Variants in PTAR1 observed in about 807,000 individuals in gnomAD.
The protein encoded by PTAR1 is protein prenyltransferase alpha subunit repeat containing 1.
PTAR1 carries 17 observed loss-of-function variants against 45.5 expected under a neutral mutation model. That is an observed-to-expected ratio of 0.37 (90% CI 0.26 to 0.56). PTAR1 has a LOEUF of 0.56. PTAR1 is among the 20% of genes least tolerant of loss of function. The probability of loss-of-function intolerance (pLI) is 0.77; values close to 1 mark genes in which losing one functional copy is unlikely to be tolerated. For synonymous variants in PTAR1, 169 were observed against 171.3 expected, an observed-to-expected ratio of 0.99 and a Z score of 0.11; for missense variants, 391 against 476.3, an observed-to-expected ratio of 0.82 and a Z score of 1.67.
In PTAR1 at chr9:69,723,588, T is replaced by G. The variant is rs747512469; in HGVS notation, c.685A>C (p.Met229Leu). The change falls in exon 6 of 8, where the codon ATG becomes CTG. Residue 229 changes from methionine to leucine, a missense_variant. By Grantham distance (15) the Met-to-Leu change is conservative. This residue lies in a region of PTAR1 where 181 missense variants were observed against 227.7 expected (regional missense o/e 0.80). Transcript: ENST00000340434. ...AATCCACTGTGGTCTGAAACGTGCA[T>G]AGATGCCCAATGTTTAGTAGAAGAT... ...ELSSTKHWAS[M>L]HVSDHSGFHY... 1 of 1,613,808 alleles carries G rather than the reference T, an allele frequency of 6.2e-7. No individual in the cohort carries two copies. The highest frequency in any genetic ancestry group is 2.2e-5 in the East Asian group (1 of 44,870).
At chr9:69,743,714 T>G (rs1340523850) in intron 2 of PTAR1, among the ~76,000 whole-genome samples, 1 of 152,216 alleles carries the variant, frequency 6.6e-6, no homozygotes, top group Non-Finnish European at 1.5e-5. Context: ...CACTATTCAT[T>G]TAATTCCACA....
At chr9:69,742,816 T>G (rs1475053609) in intron 2 of PTAR1, among the ~76,000 whole-genome samples, 4 of 152,136 alleles carry the variant, frequency 2.6e-5, no homozygotes. Flanking sequence ...ACATTTTCAT[T>G]GTTTACTACA....
intron 2 of PTAR1, among the ~76,000 whole-genome samples, chr9:69,750,005 G>T (rs1483635857): frequency 2.0e-5 from 3 of 152,014 alleles, no homozygotes; most frequent in Non-Finnish European, 4.4e-5. Context: ...ATGGGAAGGG[G>T]AAGAAGCTTT....
chr9:69,754,928 A>G, intron 1 of PTAR1, among the ~76,000 whole-genome samples: 1 of 139,794 alleles, frequency 7.2e-6, no homozygotes, highest in East Asian at 1.9e-4. Flanking sequence ...TCCTTTATGG[A>G]AAAAAACTGA....
At chr9:69,748,429 TAACTAACTA>T (rs957454224) in intron 2 of PTAR1, among the ~76,000 whole-genome samples, 2 of 151,708 alleles carry the variant, frequency 1.3e-5, no homozygotes, top group Non-Finnish European at 2.9e-5. Context: ...AATCTCTAAC[TAACTAACTA>T]AACAGGGATA....
Position 69,715,813 on chromosome 9 carries a change from A to G in PTAR1, c.*2529T>C, listed in dbSNP as rs1477574132. ...TATTAGGATTTTCTGTGAATGAACA[A>G]TTAAAAAATGCAAACTCTAGAAATA... On this transcript the variant is annotated 3_prime_UTR_variant, in exon 8 of 8. Transcript: ENST00000340434. The G allele has an allele frequency of 1.3e-5, 2 of 152,160 alleles. No homozygotes were observed. The highest frequency in any genetic ancestry group is 2.9e-5 in the Non-Finnish European group (2 of 68,010). 9.4% of individuals were successfully genotyped at this position (152,160 alleles called of 1,614,324 possible).
At chr9:69,735,127 TA>T (rs963315087) in intron 3 of PTAR1, among the ~76,000 whole-genome samples, 26 of 152,178 alleles carry the variant, frequency 1.7e-4, no homozygotes, top group African/African-American at 6.3e-4. Flanking sequence ...CATTCCTTTT[TA>T]AAATATTAAT....
In PTAR1 at chr9:69,725,603, A is replaced by AT. The variant is rs534634175; in HGVS notation, c.643-1974_643-1973insA. ...AGACTCCATCTCAAAAAAGAAAAAA[A>AT]ATATATATATATATTTTCAACAAAA... On this transcript the variant is annotated intron_variant, in intron 5 of 7. Coordinates refer to ENST00000340434, the MANE Select transcript of PTAR1 (RefSeq NM_001099666.2). Among the ~76,000 whole-genome samples the AT allele has an allele frequency of 3.9e-3, 584 of 151,168 alleles. 8 individuals are homozygous for AT. The highest frequency in any genetic ancestry group is 0.032 in the South Asian group (151 of 4,778).
intron 4 of PTAR1, among the ~76,000 whole-genome samples, chr9:69,732,757 T>C (rs567438679): frequency 6.6e-6 from 1 of 152,242 alleles, no homozygotes; most frequent in South Asian, 2.1e-4. Flanking sequence ...TCTTTAAGTA[T>C]ATATGCATGC....
chr9:69,759,707 C>A, intron 1 of PTAR1, 146 bp downstream of exon 1: 1 of 749,126 alleles, frequency 1.3e-6, no homozygotes, highest in Non-Finnish European at 2.0e-6. Context: ...GACAACGGTC[C>A]CGCCCGACAC....
chr9:69,753,824 T>C (rs1308858716), intron 1 of PTAR1, among the ~76,000 whole-genome samples: 3 of 152,158 alleles, frequency 2.0e-5, no homozygotes, highest in Non-Finnish European at 4.4e-5. Context: ...TGACAGGCAA[T>C]GAGAATTCGG....
In PTAR1 at chr9:69,723,426, C is replaced by CT; in HGVS notation, c.846dup (p.Glu283ArgfsTer5). 2 of 1,613,860 alleles carry CT rather than the reference C, an allele frequency of 1.2e-6. No individual in the cohort carries two copies. Among genetic ancestry groups the CT allele is most frequent in the Non-Finnish European group, 1.7e-6 (2 of 1,179,824 alleles). On this transcript the variant is annotated frameshift_variant, in exon 6 of 8. Transcript: ENST00000340434. LOFTEE classifies it high-confidence loss of function. ...AGATGGGGAAGATTAATCCTTGGTTCTTCTGTTGAAACTGCTGCTTCTTCA... is the reference window on the plus strand; with the variant it reads ...AGATGGGGAAGATTAATCCTTGGTTCTTTCTGTTGAAACTGCTGCTTCTTCA...
At chr9:69,736,355 G>A (rs1825788320) in intron 3 of PTAR1, among the ~76,000 whole-genome samples, 1 of 152,146 alleles carries the variant, frequency 6.6e-6, no homozygotes, top group African/African-American at 2.4e-5. Context: ...TCAAGAGATT[G>A]AGACCATCCT....
At position 69,712,841 on chromosome 9, in the gene PTAR1, G is replaced by A. The variant is rs773857017; in HGVS notation, c.*5501C>T. 3.3e-5 allele frequency: 5 copies of A among 151,910 alleles called. No homozygotes were observed. The highest frequency in any genetic ancestry group is 7.4e-5 in the Non-Finnish European group (5 of 67,950). The allele number at this position is 151,910 out of a possible 1,614,324, so 9.4% of individuals were successfully genotyped here. ...CAGAAATCATTTCCACAGAAGACAC[G>A]AGAATGTTCATACTAGAGCCATAGG... On this transcript the variant is annotated 3_prime_UTR_variant, in exon 8 of 8. Coordinates refer to ENST00000340434, the MANE Select transcript of PTAR1 (RefSeq NM_001099666.2).
At chr9:69,738,770 G>GTT (rs1185151642) in intron 3 of PTAR1, among the ~76,000 whole-genome samples, 2 of 148,804 alleles carry the variant, frequency 1.3e-5, no homozygotes, top group East Asian at 4.0e-4. Flanking sequence ...GAATTAAATT[G>GTT]TTTTTTATCT....
chr9:69,729,140 C>T (rs550287455), intron 5 of PTAR1, among the ~76,000 whole-genome samples: 56 of 151,844 alleles, frequency 3.7e-4, no homozygotes, highest in Non-Finnish European at 6.8e-4. Context: ...ACCAACATGG[C>T]GAAACCCCGT....
At chr9:69,749,435 G>C (rs1244274782) in intron 2 of PTAR1, among the ~76,000 whole-genome samples, 1 of 152,044 alleles carries the variant, frequency 6.6e-6, no homozygotes, top group African/African-American at 2.4e-5. Flanking sequence ...ACTACAGCAC[G>C]GTGATGGAAT....
chr9:69,730,092 G>A (rs912938283), intron 5 of PTAR1, among the ~76,000 whole-genome samples: 4 of 151,972 alleles, frequency 2.6e-5, no homozygotes, highest in African/African-American at 9.7e-5. Context: ...TTCTAGGTGG[G>A]CCCAATGGCT....
chr9:69,755,503 TG>T (rs1203667058), intron 1 of PTAR1, among the ~76,000 whole-genome samples: 1 of 152,188 alleles, frequency 6.6e-6, no homozygotes, highest in Non-Finnish European at 1.5e-5. Context: ...GCTTACCTTC[TG>T]GGAGGGATGG....
Sources: allele counts gnomAD v4.1 joint callset (sites outside exome capture counted in the v4.1 genomes callset), GRCh38; gene constraint gnomAD v4.1.1; regional missense constraint gnomAD v4.1.1; transcripts MANE v1.5; gene names NCBI Gene and HGNC (gene_info 2026-07-23, HGNC 2026-07-21).